FRMPD4: variants seen among roughly 807,000 people sequenced by gnomAD.
FRMPD4 encodes FERM and PDZ domain-containing protein 4.
FRMPD4 carries 22 observed loss-of-function variants against 94.1 expected under a neutral mutation model. That is an observed-to-expected ratio of 0.23 (90% CI 0.17 to 0.33). FRMPD4 has a LOEUF of 0.33. Ranked by LOEUF, FRMPD4 falls within the 10% of genes least tolerant of loss-of-function variation. The pLI is 1.00. For synonymous variants in FRMPD4, 631 were observed against 548.6 expected, an observed-to-expected ratio of 1.15 and a Z score of -2.10; for missense variants, 1,111 against 1,339.9, an observed-to-expected ratio of 0.83 and a Z score of 2.67.
chrX:12,121,992 C>A (rs1319830901), intron 3 of FRMPD4, among the ~76,000 whole-genome samples: 2 of 111,739 alleles, frequency 1.8e-5, no homozygotes, highest in Non-Finnish European at 3.8e-5. Context: ...TTGGTGGGGG[C>A]AATTTTCGTG....
chrX:11,824,734 G>A (rs1427289116), intron 1 of FRMPD4, among the ~76,000 whole-genome samples: 1 of 111,698 alleles, frequency 9.0e-6, no homozygotes, highest in Admixed American at 9.5e-5. Flanking sequence ...GGTCCCAAAT[G>A]TCTAGACTAG....
chrX:12,184,892 A>G (rs1234407812), intron 1 of FRMPD4, among the ~76,000 whole-genome samples: 1 of 111,216 alleles, frequency 9.0e-6, no homozygotes, highest in Non-Finnish European at 1.9e-5. Context: ...TGGGTACAAA[A>G]AATAGTTAGA....
intron 1 of FRMPD4, among the ~76,000 whole-genome samples, chrX:12,219,155 T>C (rs2056837203): frequency 9.0e-6 from 1 of 111,709 alleles, no homozygotes; most frequent in African/African-American, 3.3e-5. Flanking sequence ...GTTCACCCGA[T>C]CTCAGGAGTT....
At chrX:12,019,747 C>T (rs780771666) in intron 3 of FRMPD4, among the ~76,000 whole-genome samples, 2 of 110,501 alleles carry the variant, frequency 1.8e-5, no homozygotes, top group Admixed American at 9.7e-5. Context: ...TATCCAGGCT[C>T]TACCCATCTA....
At chrX:11,946,357 A>G (rs2054189055) in intron 3 of FRMPD4, among the ~76,000 whole-genome samples, 1 of 112,048 alleles carries the variant, frequency 8.9e-6, no homozygotes, top group African/African-American at 3.2e-5. Context: ...TCCTCTAGAC[A>G]CATTGTAGGG....
chrX:12,364,584 T>A lies in FRMPD4; in HGVS notation c.42-134096T>A, dbSNP rs1267380551. ...TATTGGTTGGTTTGTATTTGAAAACTGTGCCCTCTGGAGGAAGAAGACTCC... is the reference window on the plus strand; with the variant it reads ...TATTGGTTGGTTTGTATTTGAAAACAGTGCCCTCTGGAGGAAGAAGACTCC... On this transcript the variant is annotated intron_variant, in intron 1 of 16. Transcript: ENST00000675598. Among the ~76,000 whole-genome samples the A allele has an allele frequency of 2.7e-5, 3 of 110,769 alleles. No homozygotes were observed. In the East Asian group the frequency reaches 8.5e-4, roughly 31 times the overall value.
At chrX:11,872,795 C>A (rs1028859100) in intron 2 of FRMPD4, among the ~76,000 whole-genome samples, 3 of 112,183 alleles carry the variant, frequency 2.7e-5, no homozygotes, top group Non-Finnish European at 5.6e-5. Flanking sequence ...GTTATTTAGA[C>A]CAATTCTATG....
At position 12,723,723 on chromosome X, in the gene FRMPD4, C is replaced by A. The variant is rs1317410308; in HGVS notation, c.*1865C>A. 9.0e-6 allele frequency: 1 copy of A among 111,103 alleles called. No homozygotes were observed. The highest frequency in any genetic ancestry group is 3.3e-5 in the African/African-American group (1 of 30,525). The allele number at this position is 111,103 out of a possible 1,213,427, so 9.2% of individuals were successfully genotyped here. A position where few individuals can be genotyped will look rare whatever the true frequency, so the allele number is the denominator to read the frequency against. On this transcript the variant is annotated 3_prime_UTR_variant, in exon 17 of 17. Coordinates refer to ENST00000675598, the MANE Select transcript of FRMPD4 (RefSeq NM_001368397.1). ...ATATTATCTCATTTAATCATCACAA[C>A]AATCTGCTGGTTTGGACACTATTCT...
chrX:12,616,470 G>T (rs2059237233), intron 4 of FRMPD4, among the ~76,000 whole-genome samples: 1 of 111,822 alleles, frequency 8.9e-6, no homozygotes, highest in South Asian at 3.8e-4. Flanking sequence ...CTTCAGTCTG[G>T]GCTTAATGGA....
chrX:12,443,661 T>G (rs929570207), intron 1 of FRMPD4, among the ~76,000 whole-genome samples: 5 of 111,781 alleles, frequency 4.5e-5, no homozygotes, highest in Admixed American at 9.5e-5. Flanking sequence ...TTGAGAGAGT[T>G]TAGTAGAAGT....
chrX:12,205,187 C>T (rs1459283298), intron 1 of FRMPD4, among the ~76,000 whole-genome samples: 1 of 109,753 alleles, frequency 9.1e-6, no homozygotes, highest in Non-Finnish European at 1.9e-5. Flanking sequence ...TCCCAGTGCA[C>T]CTAGGCAGAC....
chrX:12,459,620 TATC>T (rs961800009), intron 1 of FRMPD4, among the ~76,000 whole-genome samples: 35 of 112,069 alleles, frequency 3.1e-4, no homozygotes, highest in African/African-American at 6.8e-4. Flanking sequence ...TTTTTGTACG[TATC>T]ATATTTTGCT....
chrX:12,397,034 G>A (rs1276337963), intron 1 of FRMPD4, among the ~76,000 whole-genome samples: 1 of 111,309 alleles, frequency 9.0e-6, no homozygotes, highest in Non-Finnish European at 1.9e-5. Flanking sequence ...GTTCACATAT[G>A]CATCAAAGAG....
At chrX:12,580,505 C>T (rs1442084169) in intron 2 of FRMPD4, among the ~76,000 whole-genome samples, 1 of 111,863 alleles carries the variant, frequency 8.9e-6, no homozygotes, top group Non-Finnish European at 1.9e-5. Context: ...AGATTAACAA[C>T]AATAACTAAT....
chrX:12,127,576 C>A lies in FRMPD4; in HGVS notation c.95+249558C>A, dbSNP rs777618362. On this transcript the variant is annotated intron_variant, in intron 3 of 18. Transcript: ENST00000640291. ...AGATGAGAGTTGGATGGGGACACAG[C>A]CAAACCATATCATTCTGCCCCTGGC... Among the ~76,000 whole-genome samples, 4 of 111,369 alleles carry A rather than the reference C, an allele frequency of 3.6e-5. No homozygotes were observed. The South Asian group carries it at 1.2e-3, about 32-fold the overall frequency.
intron 4 of FRMPD4, among the ~76,000 whole-genome samples, chrX:12,619,570 A>C (rs1031379520): frequency 1.8e-5 from 2 of 111,786 alleles, no homozygotes; most frequent in African/African-American, 6.5e-5. Flanking sequence ...CTATGATCCC[A>C]AATACAGACC....
At chrX:12,462,816 C>T (rs1399831880) in intron 1 of FRMPD4, among the ~76,000 whole-genome samples, 1 of 111,312 alleles carries the variant, frequency 9.0e-6, no homozygotes, top group Non-Finnish European at 1.9e-5. Flanking sequence ...TAGTGAAACC[C>T]CGTCTGTACA....
At chrX:12,067,240 C>G (rs986445718) in intron 3 of FRMPD4, among the ~76,000 whole-genome samples, 2 of 110,330 alleles carry the variant, frequency 1.8e-5, no homozygotes. Flanking sequence ...ATCTTTCACA[C>G]GAGAAGATCA....
intron 4 of FRMPD4, among the ~76,000 whole-genome samples, chrX:12,625,330 C>G (rs973781893): frequency 1.3e-4 from 14 of 111,432 alleles, no homozygotes; most frequent in Admixed American, 1.2e-3. Flanking sequence ...AAAGAGATAT[C>G]TGCACTCTCG....
Sources: allele counts gnomAD v4.1 joint callset (sites outside exome capture counted in the v4.1 genomes callset), GRCh38; gene constraint gnomAD v4.1.1; transcripts MANE v1.5; gene names NCBI Gene and HGNC (gene_info 2026-07-23, HGNC 2026-07-21).